Variants in NEK1 observed in about 807,000 individuals in gnomAD.
The protein encoded by NEK1 is NIMA related kinase 1.
A neutral mutation model predicts 182.1 loss-of-function variants in NEK1; 137 were observed. The ratio of observed to expected loss-of-function variants is 0.75; its 90% CI spans 0.65 to 0.87. NEK1 has a LOEUF of 0.87. Among genes scored for constraint, NEK1 ranks in the 40% least tolerant of loss-of-function variants. NEK1 has a pLI of 0.00. For synonymous variants in NEK1, 513 were observed against 492.2 expected (o/e 1.04, Z -0.56); for missense variants, 1,391 against 1,494.4 (o/e 0.93, Z 1.14).
intron 19 of NEK1, among the ~76,000 whole-genome samples, chr4:169,536,954 T>A (rs1386372635): frequency 2.0e-5 from 3 of 152,186 alleles, no homozygotes; most frequent in African/African-American, 7.2e-5. Context: ...ATTTTAACTA[T>A]GTTTCTATGA....
At chr4:169,426,765 T>A (rs1269162623) in intron 29 of NEK1, among the ~76,000 whole-genome samples, 1 of 152,164 alleles carries the variant, frequency 6.6e-6, no homozygotes, top group Non-Finnish European at 1.5e-5. Flanking sequence ...TATAAACTGA[T>A]TAGAATAGGC....
chr4:169,572,365 A>G (rs769748649), intron 12 of NEK1, among the ~76,000 whole-genome samples: 3 of 152,204 alleles, frequency 2.0e-5, no homozygotes, highest in Non-Finnish European at 2.9e-5. Context: ...AACAAATGGA[A>G]GGGCAGAGTT....
chr4:169,451,960 C>T (rs1477826001), intron 27 of NEK1, among the ~76,000 whole-genome samples: 1 of 152,094 alleles, frequency 6.6e-6, no homozygotes, highest in East Asian at 1.9e-4. Flanking sequence ...ATATCACCAC[C>T]AATCCCACAG....
intron 19 of NEK1, among the ~76,000 whole-genome samples, chr4:169,510,836 T>C (rs1447288551): frequency 6.6e-6 from 1 of 152,096 alleles, no homozygotes; most frequent in Non-Finnish European, 1.5e-5. Context: ...CCTCTTAAGA[T>C]GGGTAACTCT....
chr4:169,564,281 C>T (rs896792188), intron 12 of NEK1, among the ~76,000 whole-genome samples: 1 of 151,992 alleles, frequency 6.6e-6, no homozygotes, highest in African/African-American at 2.4e-5. Context: ...CAAAGGAAAG[C>T]AGACATTACT....
At chr4:169,476,515 C>CT (rs1486574165) in intron 26 of NEK1, among the ~76,000 whole-genome samples, 4 of 151,956 alleles carry the variant, frequency 2.6e-5, no homozygotes, top group Admixed American at 6.6e-5. Context: ...AGTCTTTGGG[C>CT]TTTTTTCCAA....
chr4:169,593,482 C>T (rs1017121681), intron 5 of NEK1, among the ~76,000 whole-genome samples: 4 of 152,098 alleles, frequency 2.6e-5, no homozygotes, highest in African/African-American at 7.2e-5. Context: ...GGAGCGGCAA[C>T]ACAGTCTGGA....
chr4:169,400,038 G>A (rs1169743739), intron 35 of NEK1, 187 bp downstream of exon 35: 1 of 661,622 alleles, frequency 1.5e-6, no homozygotes, highest in Non-Finnish European at 2.7e-6. Flanking sequence ...AAGGACTTAA[G>A]TCAGTAAAAG....
intron 31 of NEK1, among the ~76,000 whole-genome samples, chr4:169,407,747 A>G (rs1345634934): frequency 1.3e-5 from 2 of 152,252 alleles, no homozygotes; most frequent in African/African-American, 4.8e-5. Flanking sequence ...TAAGGCACTG[A>G]TAAGAACTCT....
At chr4:169,431,639 C>T (rs1737458082) in intron 29 of NEK1, among the ~76,000 whole-genome samples, 1 of 151,410 alleles carries the variant, frequency 6.6e-6, no homozygotes, top group Admixed American at 6.6e-5. Context: ...AATAAAAGTC[C>T]TAGAATGCTG....
intron 28 of NEK1, among the ~76,000 whole-genome samples, chr4:169,434,931 T>C (rs2149415024): frequency 6.6e-6 from 1 of 152,364 alleles, no homozygotes; most frequent in East Asian, 1.9e-4. Flanking sequence ...ACTTGACTTA[T>C]GACTGCATTA....
chr4:169,430,172 C>A (rs570901917), intron 29 of NEK1, among the ~76,000 whole-genome samples: 23 of 151,848 alleles, frequency 1.5e-4, no homozygotes, highest in Non-Finnish European at 3.4e-4. Flanking sequence ...CTTTAAGGAG[C>A]TTTTTTTGTT....
At chr4:169,523,235 A>G (rs1756379000) in intron 19 of NEK1, among the ~76,000 whole-genome samples, 1 of 152,170 alleles carries the variant, frequency 6.6e-6, no homozygotes, top group Non-Finnish European at 1.5e-5. Context: ...AAAGACTAAG[A>G]GATTGCTATG....
At position 169,585,409 on chromosome 4, in the gene NEK1, G is replaced by A; in HGVS notation, c.747C>T (p.Val249=). The A allele has an allele frequency of 6.2e-7, 1 of 1,613,636 alleles. No homozygotes were observed. Among genetic ancestry groups the A allele is most frequent in the African/African-American group, 1.3e-5 (1 of 74,996 alleles). Residue 249 remains valine (V), a synonymous_variant, in exon 10 of 36, where the codon GTC becomes GTT. Transcript: ENST00000507142. ...TAAAACCTTTCTCCAATATGGAGTT[G>A]ACTGATGGTCTATCCCTAGGATTTC... ...FKRNPRDRPS[V]NSILEKGFIA...
chr4:169,460,724 G>A (rs148008248), intron 27 of NEK1, among the ~76,000 whole-genome samples: 77 of 152,118 alleles, frequency 5.1e-4, no homozygotes, highest in African/African-American at 1.8e-3. Flanking sequence ...CACTTATAAG[G>A]TAAAGAAAAT....
chr4:169,401,539 C>T, intron 33 of NEK1, 113 bp downstream of exon 33: 1 of 769,108 alleles, frequency 1.3e-6, no homozygotes, highest in Non-Finnish European at 2.0e-6. Flanking sequence ...CAGAGGCATG[C>T]TTCAGTTGTA....
chr4:169,490,161 T>C (rs1749789031), intron 23 of NEK1, among the ~76,000 whole-genome samples: 1 of 152,140 alleles, frequency 6.6e-6, no homozygotes, highest in Non-Finnish European at 1.5e-5. Context: ...ATGGCTAAAG[T>C]ACCTGCAGCC....
chr4:169,583,620 A>G (rs1234543652), intron 10 of NEK1, among the ~76,000 whole-genome samples: 2 of 152,208 alleles, frequency 1.3e-5, no homozygotes, highest in Non-Finnish European at 2.9e-5. Flanking sequence ...TTCAGCCTTG[A>G]GACAGTATGT....
Position 169,436,285 on chromosome 4 carries a change from G to A in NEK1, c.2764+1798C>T, listed in dbSNP as rs567133350. ...ATAATTGAAGCAGAATTACATATCC[G>A]GAAGCAAGGAGCTGATGTAAAAGCC... On this transcript the variant is annotated intron_variant, in intron 28 of 35. Transcript: ENST00000507142. Among the ~76,000 whole-genome samples, 23 of 152,326 alleles carry A rather than the reference G, an allele frequency of 1.5e-4. 1 individual carries two copies. Among genetic ancestry groups the A allele is most frequent in the African/African-American group, 3.8e-4 (16 of 41,572 alleles).
Sources: allele counts gnomAD v4.1 joint callset (sites outside exome capture counted in the v4.1 genomes callset), GRCh38; gene constraint gnomAD v4.1.1; transcripts MANE v1.5; gene names NCBI Gene and HGNC (gene_info 2026-07-23, HGNC 2026-07-21).